SLC39A11: variants seen among roughly 807,000 people sequenced by gnomAD.
The protein encoded by SLC39A11 is solute carrier family 39 member 11, also known as zinc transporter ZIP11.
In SLC39A11, 33 loss-of-function variants were observed where a neutral mutation model predicts 36.1. The observed-to-expected ratio is 0.91, with a 90% CI of 0.69 to 1.22. The LOEUF (loss-of-function observed/expected upper bound fraction) is 1.22. Among genes scored for constraint, SLC39A11 ranks in the 50% most tolerant of loss-of-function variants. The probability of loss-of-function intolerance (pLI) is 0.00; values close to 1 mark genes in which losing one functional copy is unlikely to be tolerated. For synonymous variants in SLC39A11, 166 were observed against 170.3 expected (o/e 0.97, Z 0.20); for missense variants, 432 against 430.3 (o/e 1.00, Z -0.03).
At chr17:72,738,303 C>G (rs1030174305) in intron 6 of SLC39A11, among the ~76,000 whole-genome samples, 4 of 152,200 alleles carry the variant, frequency 2.6e-5, no homozygotes, top group African/African-American at 9.7e-5. Context: ...CGCACCTGGC[C>G]AAGCAAGCAT....
chr17:73,054,773 A>C (rs1447694784), intron 3 of SLC39A11, among the ~76,000 whole-genome samples: 2 of 145,830 alleles, frequency 1.4e-5, no homozygotes, highest in African/African-American at 5.2e-5. Flanking sequence ...GTGCCATTGC[A>C]CTCCAGCCTG....
At chr17:73,055,715 C>A (rs1467890782) in intron 3 of SLC39A11, among the ~76,000 whole-genome samples, 3 of 152,124 alleles carry the variant, frequency 2.0e-5, no homozygotes, top group Non-Finnish European at 4.4e-5. Context: ...TCAAACGATT[C>A]TCCTGCCTCA....
chr17:72,754,041 TATATACAC>T (rs1312538317), intron 6 of SLC39A11, among the ~76,000 whole-genome samples: 8 of 54,546 alleles, frequency 1.5e-4, no homozygotes, highest in South Asian at 6.8e-4. Flanking sequence ...TATATATATA[TATATACAC>T]ATACACACAC....
chr17:72,922,889 A>G (rs1053867933), intron 5 of SLC39A11, among the ~76,000 whole-genome samples: 2 of 141,770 alleles, frequency 1.4e-5, no homozygotes, highest in African/African-American at 5.2e-5. Flanking sequence ...AATTCCTTGA[A>G]CCCGGGAGGC....
intron 3 of SLC39A11, among the ~76,000 whole-genome samples, chr17:73,045,386 TAAAAAA>T (rs374832995): frequency 1.2e-4 from 5 of 41,724 alleles, no homozygotes; most frequent in Admixed American, 4.3e-4. Context: ...AAAACAGAGT[TAAAAAA>T]AAAAAAAAAA....
chr17:72,755,716 C>T (rs1284385305), intron 6 of SLC39A11, among the ~76,000 whole-genome samples: 1 of 152,222 alleles, frequency 6.6e-6, no homozygotes, highest in African/African-American at 2.4e-5. Context: ...CAGGCAGGTG[C>T]TCAGAGAATC....
At position 72,947,764 on chromosome 17, in the gene SLC39A11, A is replaced by C. The variant is rs749935789; in HGVS notation, c.418T>G (p.Ser140Ala). Residue 140 changes from serine (S) to alanine (A), a missense_variant, in exon 5 of 10, where the codon TCC becomes GCC. Physicochemically the swap from Ser to Ala is moderately conservative, Grantham distance 99. Coordinates refer to ENST00000255559, the MANE Select transcript of SLC39A11 (RefSeq NM_139177.4). ...PALLFPESEL[S>A]IRIDKSENGE... is the part of the protein sequence containing the mutation. ...AGCCCAGCTCTACCTATCCGGATGG[A>C]AAGTTCACTCTCAGGGAAGAGCAGC... The C allele has an allele frequency of 1.9e-6, 3 of 1,614,102 alleles. No individual in the cohort carries two copies. Among genetic ancestry groups the C allele is most frequent in the Non-Finnish European group, 2.5e-6 (3 of 1,180,028 alleles).
chr17:73,091,636 T>A (rs2060927062), intron 1 of SLC39A11, among the ~76,000 whole-genome samples: 1 of 151,974 alleles, frequency 6.6e-6, no homozygotes, highest in Admixed American at 6.6e-5. Context: ...ACAAGAAGTT[T>A]TCTCTAACCG....
At chr17:72,659,006 G>C (rs1318179678) in intron 7 of SLC39A11, among the ~76,000 whole-genome samples, 6 of 152,172 alleles carry the variant, frequency 3.9e-5, no homozygotes, top group Non-Finnish European at 8.8e-5. Flanking sequence ...CTTCTACAAA[G>C]GGTGTGCCTT....
At chr17:72,771,949 C>T (rs1464650407) in intron 6 of SLC39A11, among the ~76,000 whole-genome samples, 2 of 152,164 alleles carry the variant, frequency 1.3e-5, no homozygotes, top group African/African-American at 4.8e-5. Flanking sequence ...CCTCTTTCCA[C>T]CACCAACCCT....
chr17:72,859,332 A>T (rs1435301223), intron 5 of SLC39A11, among the ~76,000 whole-genome samples: 1 of 129,422 alleles, frequency 7.7e-6, no homozygotes, highest in African/African-American at 3.5e-5. Flanking sequence ...GATAAAACCA[A>T]GATTGTTTTA....
rs376492816 is a variant in SLC39A11 at position 73,084,797 on chromosome 17, A to G, written c.147+11T>C. On this transcript the variant is annotated intron_variant, in intron 3 of 9. Coordinates refer to ENST00000255559, the MANE Select transcript of SLC39A11 (RefSeq NM_139177.4). Reference sequence around the variant, plus strand: ...CCTCAATTTCCATTTCTCCTACTACATGCTACTTACCCCTGCAGCAAAGCC... The same window carrying G: ...CCTCAATTTCCATTTCTCCTACTACGTGCTACTTACCCCTGCAGCAAAGCC... 1.5e-5 allele frequency: 24 copies of G among 1,613,810 alleles called. No individual in the cohort carries two copies. The highest frequency in any genetic ancestry group is 1.1e-4 in the East Asian group (5 of 44,896).
chr17:72,754,451 A>T (rs1435422842), intron 6 of SLC39A11, among the ~76,000 whole-genome samples: 1 of 152,188 alleles, frequency 6.6e-6, no homozygotes. Context: ...GAATTTTTTT[A>T]AAAAATTAAT....
At chr17:72,751,108 C>T (rs1176476109) in intron 6 of SLC39A11, among the ~76,000 whole-genome samples, 2 of 152,074 alleles carry the variant, frequency 1.3e-5, no homozygotes, top group Non-Finnish European at 1.5e-5. Context: ...ATTAGACGAG[C>T]GTGGTGGTGG....
chr17:72,796,464 C>T (rs1009073061), intron 6 of SLC39A11, among the ~76,000 whole-genome samples: 5 of 152,130 alleles, frequency 3.3e-5, no homozygotes, highest in East Asian at 1.9e-4. Context: ...ACACCCTCCC[C>T]GTGGAGCTGG....
chr17:72,713,538 A>T (rs2073205005), intron 7 of SLC39A11, among the ~76,000 whole-genome samples: 1 of 152,164 alleles, frequency 6.6e-6, no homozygotes, highest in Admixed American at 6.5e-5. Flanking sequence ...CATTGCCCTT[A>T]ACTCAGTCAT....
chr17:72,925,426 C>A (rs907587134), intron 5 of SLC39A11, among the ~76,000 whole-genome samples: 1 of 152,128 alleles, frequency 6.6e-6, no homozygotes, highest in Non-Finnish European at 1.5e-5. Flanking sequence ...AAGACTGTAG[C>A]AGACTGTATT....
chr17:73,012,806 T>G (rs889161801), intron 4 of SLC39A11, among the ~76,000 whole-genome samples: 28 of 152,062 alleles, frequency 1.8e-4, no homozygotes, highest in Admixed American at 5.2e-4. Context: ...ACATATTTAT[T>G]TATTTATTTA....
intron 7 of SLC39A11, among the ~76,000 whole-genome samples, chr17:72,727,259 A>C (rs1019982724): frequency 6.6e-5 from 10 of 152,308 alleles, no homozygotes; most frequent in Middle Eastern, 6.8e-3. Flanking sequence ...ATACAGCAGA[A>C]AGGAAAACCG....
Sources: allele counts gnomAD v4.1 joint callset (sites outside exome capture counted in the v4.1 genomes callset), GRCh38; gene constraint gnomAD v4.1.1; transcripts MANE v1.5; gene names NCBI Gene and HGNC (gene_info 2026-07-23, HGNC 2026-07-21).